GEMIN6: variants seen among roughly 807,000 people sequenced by gnomAD.
GEMIN6 encodes the protein gem nuclear organelle associated protein 6.
A neutral mutation model predicts 14.1 loss-of-function variants in GEMIN6; 13 were observed. That is an observed-to-expected ratio of 0.92 (90% confidence interval 0.60 to 1.46). The LOEUF is 1.46. Among genes scored for constraint, GEMIN6 ranks in the 40% most tolerant of loss-of-function variants. The pLI is 0.00. For missense variants in GEMIN6, 271 were observed against 202.4 expected, an observed-to-expected ratio of 1.34 and a Z score of -2.06; for synonymous variants, 87 against 70.0, an observed-to-expected ratio of 1.24 and a Z score of -1.21.
rs1180801414 is a variant in GEMIN6, at chr2:38,782,582, TCAGGAGATCGAGAC to T, written c.*693_*706del. On this transcript the variant is annotated 3_prime_UTR_variant, in exon 3 of 3. Coordinates refer to ENST00000281950, the MANE Select transcript of GEMIN6 (RefSeq NM_024775.10). Reference sequence around the variant, plus strand: ...AGGCCGAGGCAGGTGGATCATGAGGTCAGGAGATCGAGACCATCCTGGCTAACACGGTGAAACCC... The same window carrying T: ...AGGCCGAGGCAGGTGGATCATGAGGTCATCCTGGCTAACACGGTGAAACCC... 2 of 151,596 alleles carry T rather than the reference TCAGGAGATCGAGAC, an allele frequency of 1.3e-5. No individual in the cohort carries two copies. Among genetic ancestry groups the T allele is most frequent in the Non-Finnish European group, 2.9e-5 (2 of 67,930 alleles). The allele number at this position is 151,596 out of a possible 1,614,324, so 9.4% of individuals were successfully genotyped here. A position where few individuals can be genotyped will look rare whatever the true frequency, so the allele number is the denominator to read the frequency against.
At chr2:38,779,658 ATATATATTTTTTTTTT>A (rs1470950336) in intron 2 of GEMIN6, among the ~76,000 whole-genome samples, 12 of 29,574 alleles carry the variant, frequency 4.1e-4, no homozygotes, top group Admixed American at 1.0e-3. Context: ...ATATATATAT[ATATATATTTTTTTTTT>A]TTTTTTTTTT....
intron 2 of GEMIN6, 136 bp from the exon 3 acceptor site, chr2:38,781,381 C>A: frequency 3.3e-6 from 3 of 915,768 alleles, no homozygotes; most frequent in Non-Finnish European, 5.0e-6. Context: ...TATTTAGGAT[C>A]CTTAGTGAAT....
At chr2:38,779,696 G>T (rs1669038881) in intron 2 of GEMIN6, among the ~76,000 whole-genome samples, 1 of 54,976 alleles carries the variant, frequency 1.8e-5, no homozygotes, top group Non-Finnish European at 3.9e-5. Context: ...TTTTTTCGGG[G>T]GTGGGATGAA....
Position 38,783,869 on chromosome 2 carries a change from T to C in GEMIN6, c.*1977T>C, listed in dbSNP as rs936510419. 2 of 152,202 alleles carry C rather than the reference T, an allele frequency of 1.3e-5. No homozygotes were observed. Among genetic ancestry groups the C allele is most frequent in the Non-Finnish European group, 2.9e-5 (2 of 68,044 alleles). The allele number at this position is 152,202 out of a possible 1,614,324, so 9.4% of individuals were successfully genotyped here. On this transcript the variant is annotated 3_prime_UTR_variant, in exon 3 of 3. Transcript: ENST00000281950. Reference sequence around the variant, plus strand: ...ATGGTATAGTCCAGTGCTTCCTGCATGTTGGCAAGCATCAGAATCAGCTGC... The same window carrying C: ...ATGGTATAGTCCAGTGCTTCCTGCACGTTGGCAAGCATCAGAATCAGCTGC...
At position 38,781,503 on chromosome 2, in the gene GEMIN6, C is replaced by A; in HGVS notation, c.129-14C>A. On this transcript the variant is annotated splice_polypyrimidine_tract_variant and intron_variant, in intron 2 of 2. Transcript: ENST00000281950. ...TGGGTTGATGATGCCTCTAAACTTA[C>A]TTTTCCTCCAAAGTATTGTCCTTGT... The A allele has an allele frequency of 1.9e-6, 3 of 1,592,118 alleles. No individual in the cohort carries two copies. The highest frequency in any genetic ancestry group is 2.6e-6 in the Non-Finnish European group (3 of 1,168,734).
At position 38,779,075 on chromosome 2, in the gene GEMIN6, G is replaced by C. The variant is rs1424321479; in HGVS notation, c.85G>C (p.Glu29Gln). ...CCGAGTGACAGCCAGTGAGAAGAATGAGTATAAAGGATGGGTTTTAACTAC... is the reference window on the plus strand; with the variant it reads ...CCGAGTGACAGCCAGTGAGAAGAATCAGTATAAAGGATGGGTTTTAACTAC... ...EVRVTASEKN[E>Q]YKGWVLTTDP... Residue 29 changes from glutamate to glutamine, a missense_variant, in exon 2 of 3, where the codon GAG (glutamate) becomes CAG (glutamine). Coordinates refer to ENST00000281950, the MANE Select transcript of GEMIN6 (RefSeq NM_024775.10). 6.2e-7 allele frequency: 1 copy of C among 1,613,948 alleles called. No homozygotes were observed. The highest frequency in any genetic ancestry group is 1.1e-5 in the South Asian group (1 of 91,050).
chr2:38,782,590 T>A lies in GEMIN6; in HGVS notation c.*698T>A, dbSNP rs998226104. On this transcript the variant is annotated 3_prime_UTR_variant, in exon 3 of 3. Coordinates refer to ENST00000281950, the MANE Select transcript of GEMIN6 (RefSeq NM_024775.10). Reference sequence around the variant, plus strand: ...GCAGGTGGATCATGAGGTCAGGAGATCGAGACCATCCTGGCTAACACGGTG... The same window carrying A: ...GCAGGTGGATCATGAGGTCAGGAGAACGAGACCATCCTGGCTAACACGGTG... 6.6e-6 allele frequency: 1 copy of A among 151,418 alleles called. No individual in the cohort carries two copies. Among genetic ancestry groups the A allele is most frequent in the African/African-American group, 2.4e-5 (1 of 41,234 alleles). 9.4% of individuals were successfully genotyped at this position (151,418 alleles called of 1,614,324 possible). A position where few individuals can be genotyped will look rare whatever the true frequency, so the allele number is the denominator to read the frequency against.
At chr2:38,779,267 G>C in intron 2 of GEMIN6, 149 bp downstream of exon 2, 1 of 807,994 alleles carries the variant, frequency 1.2e-6, no homozygotes, top group Non-Finnish European at 1.9e-6. Flanking sequence ...GGGTTCTACT[G>C]TCACCCAGGC....
chr2:38,779,647 TATATATATA>T (rs1669031766), intron 2 of GEMIN6, among the ~76,000 whole-genome samples: 4 of 29,668 alleles, frequency 1.3e-4, no homozygotes, highest in African/African-American at 3.4e-4. Flanking sequence ...TATATATATA[TATATATATA>T]TATATATATT....
At position 38,779,260 on chromosome 2, in the gene GEMIN6, T is replaced by A. The variant is rs775770071; in HGVS notation, c.128+142T>A. 4.6e-6 allele frequency: 4 copies of A among 863,182 alleles called. No individual in the cohort carries two copies. In the East Asian group the frequency reaches 1.2e-4, roughly 25 times the overall value. The allele number at this position is 863,182 out of a possible 1,614,324, so 53.5% of individuals were successfully genotyped here. ...AATTTTTTGTTTGTTTGAGACAGGGTTCTACTGTCACCCAGGCTGGAATGC... is the reference window on the plus strand; with the variant it reads ...AATTTTTTGTTTGTTTGAGACAGGGATCTACTGTCACCCAGGCTGGAATGC... On this transcript the variant is annotated intron_variant, in intron 2 of 2. Transcript: ENST00000281950.
chr2:38,781,847 G>A lies in GEMIN6; in HGVS notation c.459G>A (p.Ser153=), dbSNP rs115636255. The change falls in exon 3 of 3, where the codon TCG becomes TCA. Residue 153 remains serine (S), a synonymous_variant. Coordinates refer to ENST00000281950, the MANE Select transcript of GEMIN6 (RefSeq NM_024775.10). ...GCAGCTCTAATGAGATTATTCTGTC[G>A]CGTGTTCAGGATCTTATTGAAGGAC... The part of the protein sequence containing the change: ...NCSSSNEIIL[S]RVQDLIEGHL... 4.9e-5 allele frequency: 79 copies of A among 1,613,576 alleles called. No homozygotes were observed. The highest frequency in any genetic ancestry group is 1.7e-4 in the Middle Eastern group (1 of 6,060).
chr2:38,779,816 G>C lies in GEMIN6; in HGVS notation c.128+698G>C, dbSNP rs373257375. Among the ~76,000 whole-genome samples, 236 of 147,834 alleles carry C rather than the reference G, an allele frequency of 1.6e-3. 2 individuals carry two copies. Among genetic ancestry groups the C allele is most frequent in the South Asian group, 7.6e-3 (35 of 4,620 alleles). ...CATGCCTCAGCCTCCCCAGTAGCTG[G>C]GGTTACACACATGTGCCAACATGCC... On this transcript the variant is annotated intron_variant, in intron 2 of 2. Coordinates refer to ENST00000281950, the MANE Select transcript of GEMIN6 (RefSeq NM_024775.10).
chr2:38,782,152 C>CTT lies in GEMIN6; in HGVS notation c.*269_*270dup. ...TATGGGTCTTCTTTTTTCTTTTTTT[C>CTT]TTTTTTTTTTGAGATGGAGTCTCGC... is the stretch of plus-strand genomic sequence containing the variant. On this transcript the variant is annotated 3_prime_UTR_variant, in exon 3 of 3. Coordinates refer to ENST00000281950, the MANE Select transcript of GEMIN6 (RefSeq NM_024775.10). 14 of 323,102 alleles carry CTT rather than the reference C, an allele frequency of 4.3e-5. No individual in the cohort carries two copies. The highest frequency in any genetic ancestry group is 1.7e-4 in the East Asian group (3 of 17,794). The allele number at this position is 323,102 out of a possible 1,614,324, so 20.0% of individuals were successfully genotyped here. A position where few individuals can be genotyped will look rare whatever the true frequency, so the allele number is the denominator to read the frequency against.
Position 38,783,506 on chromosome 2 carries a change from TTTTTA to T in GEMIN6, c.*1615_*1619del, listed in dbSNP as rs55760262. Reference sequence around the variant, plus strand: ...GCCTGGCTTTTTTTTTTTTTTTTTTTTTTTAAAAGAGGGTCTTGATATGTTGCCCA... The same window carrying T: ...GCCTGGCTTTTTTTTTTTTTTTTTTTAAAGAGGGTCTTGATATGTTGCCCA... On this transcript the variant is annotated 3_prime_UTR_variant, in exon 3 of 3. Coordinates refer to ENST00000281950, the MANE Select transcript of GEMIN6 (RefSeq NM_024775.10). The T allele has an allele frequency of 0.57, 71,184 of 125,832 alleles. 19,827 individuals carry two copies. Among genetic ancestry groups the T allele is most frequent in the East Asian group, 0.8 (3,653 of 4,540 alleles). The allele number at this position is 125,832 out of a possible 1,614,324, so 7.8% of individuals were successfully genotyped here.
At position 38,784,764 on chromosome 2, in the gene GEMIN6, C is replaced by G. The variant is rs1257680788; in HGVS notation, c.*2872C>G. The G allele has an allele frequency of 1.3e-5, 2 of 152,236 alleles. No individual in the cohort carries two copies. Among genetic ancestry groups the G allele is most frequent in the East Asian group, 3.9e-4 (2 of 5,184 alleles). 9.4% of individuals were successfully genotyped at this position (152,236 alleles called of 1,614,324 possible). A position where few individuals can be genotyped will look rare whatever the true frequency, so the allele number is the denominator to read the frequency against. ...AAGTGATCCTGATCTGCCATAGAAA[C>G]CTTCATGCTTAGGGAGTTTCCCTAG... On this transcript the variant is annotated 3_prime_UTR_variant, in exon 3 of 3. Transcript: ENST00000281950.
intron 2 of GEMIN6, among the ~76,000 whole-genome samples, chr2:38,779,647 TATATATATATATATATA>T (rs200944031): frequency 1.7e-4 from 5 of 29,668 alleles, no homozygotes; most frequent in African/African-American, 4.3e-4. Flanking sequence ...TATATATATA[TATATATATATATATATA>T]TTTTTTTTTT....
intron 2 of GEMIN6, among the ~76,000 whole-genome samples, chr2:38,780,190 G>C (rs1355539267): frequency 6.6e-6 from 1 of 151,224 alleles, no homozygotes; most frequent in Non-Finnish European, 1.5e-5. Flanking sequence ...CGTGGTAGCA[G>C]GCACCTGTAG....
At position 38,779,078 on chromosome 2, in the gene GEMIN6, T is replaced by C. The variant is rs1249883704; in HGVS notation, c.88T>C (p.Tyr30His). The C allele has an allele frequency of 6.2e-7, 1 of 1,613,614 alleles. No individual in the cohort carries two copies. The highest frequency in any genetic ancestry group is 1.3e-5 in the African/African-American group (1 of 74,854). The change falls in exon 2 of 3, where the codon TAT becomes CAT. Residue 30 changes from tyrosine to histidine, a missense_variant. By Grantham distance (83) the Tyr-to-His change is moderately conservative. Coordinates refer to ENST00000281950, the MANE Select transcript of GEMIN6 (RefSeq NM_024775.10). Reference sequence around the variant, plus strand: ...AGTGACAGCCAGTGAGAAGAATGAGTATAAAGGATGGGTTTTAACTACAGA... The same window carrying C: ...AGTGACAGCCAGTGAGAAGAATGAGCATAAAGGATGGGTTTTAACTACAGA... The part of the protein sequence containing the change: ...VRVTASEKNE[Y>H]KGWVLTTDPV...
At chr2:38,781,217 C>T (rs1175076370) in intron 2 of GEMIN6, among the ~76,000 whole-genome samples, 1 of 151,958 alleles carries the variant, frequency 6.6e-6, no homozygotes, top group Non-Finnish European at 1.5e-5. Flanking sequence ...ATCCACCCGC[C>T]TCGGCCTCCC....
Sources: gnomAD v4.1 joint callset for allele counts (sites outside exome capture counted in the v4.1 genomes callset) on GRCh38, gnomAD v4.1.1 for gene constraint, MANE v1.5 for transcripts, NCBI Gene and HGNC (gene_info 2026-07-23, HGNC 2026-07-21) for gene names.